The following CLDN16 variants were observed in gnomAD, a reference collection of about 807,000 sequenced individuals.
CLDN16 encodes the protein claudin-16.
In CLDN16, 13 loss-of-function variants were observed where a neutral mutation model predicts 24.6. The observed-to-expected ratio is 0.53, with a 90% CI of 0.34 to 0.84. The LOEUF is 0.84. Ranked by LOEUF, CLDN16 falls within the 40% of genes least tolerant of loss-of-function variation. The pLI is 0.01. For missense variants in CLDN16, 298 were observed against 292.7 expected, an observed-to-expected ratio of 1.02 and a Z score of -0.13; for synonymous variants, 116 against 106.7, an observed-to-expected ratio of 1.09 and a Z score of -0.54.
At chr3:190,404,951 C>A in intron 3 of CLDN16, 25 bp downstream of exon 3, 1 of 1,612,260 alleles carries the variant, frequency 6.2e-7, no homozygotes, top group South Asian at 1.1e-5. Context: ...GGACTAGCAA[C>A]AGGGGTAGGG....
At chr3:190,298,376 C>CACACACACACACACACACACA in the CLDN16 span, among the ~76,000 whole-genome samples, 1 of 150,132 alleles carries the variant, frequency 6.7e-6, no homozygotes, top group Non-Finnish European at 1.5e-5. Flanking sequence ...CACACACACA[C>CACACACACACACACACACACA]CTTAACAATG....
At chr3:190,399,090 G>C (rs1432106229) in intron 1 of CLDN16, among the ~76,000 whole-genome samples, 1 of 152,174 alleles carries the variant, frequency 6.6e-6, no homozygotes, top group African/African-American at 2.4e-5. Flanking sequence ...CCAAGGTGAA[G>C]TTCGCAGAAT....
the CLDN16 span, chr3:190,312,826 C>A: frequency 1.3e-4 from 213 of 1,602,156 alleles, no homozygotes; most frequent in Admixed American, 2.8e-4. Context: ...TCAAATCATA[C>A]CAGGAACAGG....
chr3:190,363,175 CCT>C (rs1717937290), intron 1 of CLDN16, among the ~76,000 whole-genome samples: 2 of 151,472 alleles, frequency 1.3e-5, no homozygotes, highest in Admixed American at 6.6e-5. Flanking sequence ...TTTTTATTGC[CCT>C]GTTTTCTAGG....
chr3:190,308,268 G>C, the CLDN16 span: 12 of 1,613,452 alleles, frequency 7.4e-6, no homozygotes, highest in South Asian at 1.3e-4. Flanking sequence ...TTCTCCTTTT[G>C]CCTCTGTGTC....
At chr3:190,322,035 T>A (rs1393518010), upstream of CLDN16, 3 of 1,614,096 alleles carry the variant, frequency 1.9e-6, no homozygotes, top group African/African-American at 1.3e-5. Context: ...TGCCCGGTGC[T>A]CTGCGACACG....
intron 2 of CLDN16, among the ~76,000 whole-genome samples, chr3:190,372,450 C>G (rs1718162264): frequency 6.6e-6 from 1 of 151,714 alleles, no homozygotes; most frequent in Non-Finnish European, 1.5e-5. Flanking sequence ...TGAGACAAGG[C>G]TGGGAAACAT....
intron 1 of CLDN16, among the ~76,000 whole-genome samples, chr3:190,364,711 C>T (rs112723277): frequency 4.0e-5 from 6 of 151,876 alleles, no homozygotes; most frequent in Non-Finnish European, 8.8e-5. Context: ...TCGAAGAGCC[C>T]TTTATCGTGC....
intron 1 of CLDN16, among the ~76,000 whole-genome samples, chr3:190,365,030 T>C (rs1577411072): frequency 1.3e-5 from 2 of 152,016 alleles, no homozygotes; most frequent in East Asian, 3.9e-4. Context: ...GAATTTGCTC[T>C]CAGCCCCCTG....
chr3:190,363,552 G>GCATA, intron 1 of CLDN16, among the ~76,000 whole-genome samples: 1 of 12,132 alleles, frequency 8.2e-5, no homozygotes, highest in Non-Finnish European at 1.9e-4. Context: ...GTGTGTGTGT[G>GCATA]TGTGTATATA....
chr3:190,388,092 T>G, upstream of CLDN16: 1 of 1,606,390 alleles, frequency 6.2e-7, no homozygotes, highest in African/African-American at 1.3e-5. Flanking sequence ...TGACCTGCCT[T>G]CTGATTGGAG....
In CLDN16 at chr3:190,347,937, G is replaced by A. The variant is rs562318357; in HGVS notation, n.122-22956G>A. The stretch of plus-strand genomic sequence containing the variant: ...GGAACCTAGTGGTGGTACAGGGCGA[G>A]GAATCGGTAGAAGATGAGACCATGG... On this transcript the variant is annotated intron_variant and non_coding_transcript_variant, in intron 1 of 4. Transcript: ENST00000468220. 4.6e-5 allele frequency among the ~76,000 whole-genome samples: 7 copies of A among 151,948 alleles called. No individual in the cohort carries two copies. The South Asian group carries it at 1.5e-3, about 32-fold the overall frequency.
chr3:190,317,153 T>A, the CLDN16 span, among the ~76,000 whole-genome samples: 1 of 152,290 alleles, frequency 6.6e-6, no homozygotes, highest in Non-Finnish European at 1.5e-5. Flanking sequence ...TTGGTCTGAT[T>A]AGAACAAACC....
intron 1 of CLDN16, among the ~76,000 whole-genome samples, chr3:190,329,457 G>A (rs1441157822): frequency 3.3e-5 from 5 of 152,180 alleles, no homozygotes; most frequent in Admixed American, 3.3e-4. Context: ...AGCCATTTCA[G>A]AGAGGAAGGA....
At chr3:190,352,748 C>G (rs566377956) in intron 1 of CLDN16, among the ~76,000 whole-genome samples, 179 of 151,318 alleles carry the variant, frequency 1.2e-3, no homozygotes, top group African/African-American at 2.7e-3. Context: ...TTGGGGCCTC[C>G]AAAGAGAATC....
At chr3:190,371,012 AC>A (rs1166293680) in intron 2 of CLDN16, 18 of 29,820 alleles carry the variant, frequency 6.0e-4, no homozygotes, top group African/African-American at 2.3e-3. Flanking sequence ...GTGAGTTAAT[AC>A]CTTTATATAT....
At chr3:190,365,563 C>A (rs1051794415) in intron 1 of CLDN16, among the ~76,000 whole-genome samples, 7 of 148,438 alleles carry the variant, frequency 4.7e-5, no homozygotes, top group African/African-American at 1.7e-4. Context: ...CCCAAACTTC[C>A]AAGAACCAGC....
chr3:190,343,998 T>C (rs1475611563), intron 1 of CLDN16, among the ~76,000 whole-genome samples: 2 of 152,030 alleles, frequency 1.3e-5, no homozygotes, highest in Non-Finnish European at 2.9e-5. Flanking sequence ...TGAATAAATA[T>C]GTAAGATGAT....
the CLDN16 span, among the ~76,000 whole-genome samples, chr3:190,297,911 T>G: frequency 0.75 from 113,438 of 151,280 alleles, 43,133 homozygotes; most frequent in African/African-American, 0.89. Context: ...AAGATAAGTT[T>G]GTCAAGGCTA....
Sources: allele counts gnomAD v4.1 joint callset (sites outside exome capture counted in the v4.1 genomes callset), GRCh38; gene constraint gnomAD v4.1.1; transcripts MANE v1.5; gene names NCBI Gene and HGNC (gene_info 2026-07-23, HGNC 2026-07-21).